The following JKAMP variants were observed in gnomAD, a reference collection of about 807,000 sequenced individuals.
The protein encoded by JKAMP is JNK1/MAPK8 associated membrane protein.
A neutral mutation model predicts 40.2 loss-of-function variants in JKAMP; 20 were observed. The ratio of observed to expected loss-of-function variants is 0.50; its 90% CI spans 0.35 to 0.72. The LOEUF (loss-of-function observed/expected upper bound fraction) is 0.72. Ranked by LOEUF, JKAMP falls within the 30% of genes least tolerant of loss-of-function variation. JKAMP has a pLI of 0.01. For synonymous variants in JKAMP, 138 were observed against 131.6 expected (o/e 1.05, Z -0.33); for missense variants, 276 against 373.0 (o/e 0.74, Z 2.14).
rs1476880109 is a variant in JKAMP at position 59,486,898 on chromosome 14, A to C, written c.96+94A>C. On this transcript the variant is annotated intron_variant, in intron 2 of 6. Coordinates refer to ENST00000616435, the MANE Select transcript of JKAMP (RefSeq NM_016475.5). ...AACATTTTTTGTTATTATACTCATT[A>C]ATTTATAAAAGAATATGGAGGACCA... is the stretch of plus-strand genomic sequence containing the variant. The C allele has an allele frequency of 1.2e-5, 11 of 900,192 alleles. No individual in the cohort carries two copies. The African/African-American group carries it at 1.7e-4, about 14-fold the overall frequency. The allele number at this position is 900,192 out of a possible 1,614,324, so 55.8% of individuals were successfully genotyped here.
In JKAMP at chr14:59,487,730, A is replaced by G. The variant is rs760804683; in HGVS notation, c.153A>G (p.Glu51=). The change falls in exon 3 of 7, where the codon GAA becomes GAG. Residue 51 remains glutamate, a synonymous_variant. Transcript: ENST00000616435. Reference sequence around the variant, plus strand: ...AGAAATATTGTCAGCCTTGCACAGAATCTCCTGAACTTTATGATTGGCTCT... The same window carrying G: ...AGAAATATTGTCAGCCTTGCACAGAGTCTCCTGAACTTTATGATTGGCTCT... The part of the protein sequence containing the change: ...NAQKYCQPCT[E]SPELYDWLYL... The G allele has an allele frequency of 1.4e-5, 23 of 1,613,330 alleles. No homozygotes were observed. Among genetic ancestry groups the G allele is most frequent in the Non-Finnish European group, 1.9e-5 (22 of 1,179,414 alleles).
At chr14:59,485,080 G>A (rs1324837005) in intron 1 of JKAMP, 1 of 1,598,394 alleles carries the variant, frequency 6.3e-7, no homozygotes, top group East Asian at 2.2e-5. Context: ...AATGAAAGGA[G>A]AAATTCAACA....
At chr14:59,490,297 C>G (rs1338934334) in intron 3 of JKAMP, among the ~76,000 whole-genome samples, 3 of 152,210 alleles carry the variant, frequency 2.0e-5, no homozygotes, top group Non-Finnish European at 4.4e-5. Flanking sequence ...GAGCACAGCT[C>G]CAAGTCATTC....
intron 5 of JKAMP, 49 bp downstream of exon 5, chr14:59,498,957 G>T: frequency 1.3e-6 from 1 of 796,334 alleles, no homozygotes. Context: ...ATTGTATGTA[G>T]TAATATTTCC....
intron 2 of JKAMP, 38 bp downstream of exon 2, chr14:59,486,842 A>G (rs1890618291): frequency 7.7e-7 from 1 of 1,293,434 alleles, no homozygotes; most frequent in African/African-American, 1.5e-5. Flanking sequence ...ATTTTGTAAA[A>G]TCTATTTGCT....
chr14:59,495,326 G>A (rs1048547952), intron 4 of JKAMP, 102 bp downstream of exon 4: 2 of 819,176 alleles, frequency 2.4e-6, no homozygotes, highest in Admixed American at 2.5e-5. Context: ...GTGGGTTTGA[G>A]TTCTGGGTCT....
chr14:59,487,832 A>G lies in JKAMP; in HGVS notation c.251+4A>G. On this transcript the variant is annotated splice_donor_region_variant and intron_variant, in intron 3 of 6. Coordinates refer to ENST00000616435, the MANE Select transcript of JKAMP (RefSeq NM_016475.5). ...AATGGTACTCGGGGAAAAAGAGGTT[A>G]GCACATTTCTATGAACATATCTGGC... The G allele has an allele frequency of 6.2e-7, 1 of 1,612,812 alleles. No individual in the cohort carries two copies. The highest frequency in any genetic ancestry group is 8.5e-7 in the Non-Finnish European group (1 of 1,178,952).
In JKAMP at chr14:59,503,864, ATCT is replaced by A. The variant is rs1209875320; in HGVS notation, c.732_734del (p.Leu245del). The A allele has an allele frequency of 6.2e-7, 1 of 1,608,344 alleles. No individual in the cohort carries two copies. The highest frequency in any genetic ancestry group is 1.7e-5 in the Admixed American group (1 of 59,986). On this transcript the variant is annotated inframe_deletion, in exon 7 of 7. Coordinates refer to ENST00000616435, the MANE Select transcript of JKAMP (RefSeq NM_016475.5). ...TACAAAATTATATAGAACTGCTATG[ATCT>A]TCTGGTCAGAAAGAAAAGACTTATT...
chr14:59,484,786 A>G (rs1284822833), intron 1 of JKAMP, 193 bp downstream of exon 1: 2 of 888,550 alleles, frequency 2.3e-6, no homozygotes, highest in East Asian at 2.7e-5. Flanking sequence ...ACGGGCTACT[A>G]GGGGAGGCGC....
At chr14:59,500,680 C>T (rs1412089796) in intron 5 of JKAMP, among the ~76,000 whole-genome samples, 1 of 152,094 alleles carries the variant, frequency 6.6e-6, no homozygotes, top group African/African-American at 2.4e-5. Context: ...ATTATTTGAC[C>T]ATTTTTTTGA....
chr14:59,499,226 C>T (rs531700417), intron 5 of JKAMP, among the ~76,000 whole-genome samples: 3 of 151,568 alleles, frequency 2.0e-5, no homozygotes, highest in African/African-American at 7.3e-5. Flanking sequence ...CGGGGTTTCA[C>T]CATGTTGGCC....
rs1182294483 is a variant in JKAMP, at chr14:59,505,343, ATTT to A, written c.*1273_*1275del. 6.1e-6 allele frequency: 8 copies of A among 1,303,504 alleles called. No homozygotes were observed. In the African/African-American group the frequency reaches 1.2e-4, roughly 19 times the overall value. The allele number at this position is 1,303,504 out of a possible 1,614,324, so 80.7% of individuals were successfully genotyped here. A position where few individuals can be genotyped will look rare whatever the true frequency, so the allele number is the denominator to read the frequency against. On this transcript the variant is annotated 3_prime_UTR_variant, in exon 7 of 7. Coordinates refer to ENST00000616435, the MANE Select transcript of JKAMP (RefSeq NM_016475.5). ...GTAGGAATAAAAAATAAATATAAAA[ATTT>A]TATTTGTATTGCACACATTTGGGGG...
intron 5 of JKAMP, 60 bp downstream of exon 5, chr14:59,498,968 T>A: frequency 1.2e-6 from 1 of 860,550 alleles, no homozygotes; most frequent in Non-Finnish European, 1.6e-6. Context: ...TAATATTTCC[T>A]CTAGATTTAA....
chr14:59,498,901 C>A lies in JKAMP; in HGVS notation c.633C>A (p.Gly211=). ...CCGTGCTTCAGGCAGTTGGTGGAGGCCTTTTATGTAAGTTTGATGGGTAAA... is the reference window on the plus strand; with the variant it reads ...CCGTGCTTCAGGCAGTTGGTGGAGGACTTTTATGTAAGTTTGATGGGTAAA... ...ILTVLQAVGG[G]LLYYAFPYII... is the part of the protein sequence containing the mutation. Residue 211 remains glycine (G), a synonymous_variant, in exon 5 of 7, where the codon GGC becomes GGA. Coordinates refer to ENST00000616435, the MANE Select transcript of JKAMP (RefSeq NM_016475.5). 1 of 1,595,228 alleles carries A rather than the reference C, an allele frequency of 6.3e-7. No individual in the cohort carries two copies. The highest frequency in any genetic ancestry group is 8.6e-7 in the Non-Finnish European group (1 of 1,169,432).
Position 59,495,035 on chromosome 14 carries a change from A to G in JKAMP, c.269A>G (p.Gln90Arg), listed in dbSNP as rs1222079945. Residue 90 changes from glutamine (Q) to arginine (R), a missense_variant, in exon 4 of 7, where the codon CAA becomes CGA. Coordinates refer to ENST00000616435, the MANE Select transcript of JKAMP (RefSeq NM_016475.5). ...SGKKSSSALF[Q>R]HITALFECSM... is the part of the protein sequence containing the mutation. ...TTCTCTAGTTCCAGCGCACTTTTCC[A>G]ACACATCACTGCATTATTTGAATGC... is the stretch of plus-strand genomic sequence containing the variant. 6.2e-7 allele frequency: 1 copy of G among 1,613,748 alleles called. No individual in the cohort carries two copies. Among genetic ancestry groups the G allele is most frequent in the East Asian group, 2.2e-5 (1 of 44,876 alleles).
chr14:59,499,491 C>G (rs2139905617), intron 5 of JKAMP, among the ~76,000 whole-genome samples: 1 of 151,972 alleles, frequency 6.6e-6, no homozygotes, highest in East Asian at 1.9e-4. Flanking sequence ...TTAATGTAAC[C>G]ATTAATTCAT....
In JKAMP at chr14:59,503,711, T is replaced by G. The variant is rs143411095; in HGVS notation, c.718-143T>G. The G allele has an allele frequency of 6.5e-6, 4 of 614,326 alleles. No individual in the cohort carries two copies. In the Admixed American group the frequency reaches 1.3e-4, roughly 19 times the overall value. 38.1% of individuals were successfully genotyped at this position (614,326 alleles called of 1,614,324 possible). A position where few individuals can be genotyped will look rare whatever the true frequency, so the allele number is the denominator to read the frequency against. ...AAAGTGGAGTGGCTAGACTGAGTGA[T>G]TTCTTAAGTCTTTTTTAGCTCAAAC... On this transcript the variant is annotated intron_variant, in intron 6 of 6. Coordinates refer to ENST00000616435, the MANE Select transcript of JKAMP (RefSeq NM_016475.5).
chr14:59,505,280 G>T lies in JKAMP; in HGVS notation c.*1208G>T. The T allele has an allele frequency of 6.6e-7, 1 of 1,509,258 alleles. No homozygotes were observed. Among genetic ancestry groups the T allele is most frequent in the Non-Finnish European group, 8.9e-7 (1 of 1,128,224 alleles). 93.5% of individuals were successfully genotyped at this position (1,509,258 alleles called of 1,614,324 possible). A position where few individuals can be genotyped will look rare whatever the true frequency, so the allele number is the denominator to read the frequency against. ...TTTTTCTCAGTACATTTAACCACTGGGAAATGAACCCTTGTACGAATGTGT... is the reference window on the plus strand; with the variant it reads ...TTTTTCTCAGTACATTTAACCACTGTGAAATGAACCCTTGTACGAATGTGT... On this transcript the variant is annotated 3_prime_UTR_variant, in exon 7 of 7. Transcript: ENST00000616435.
In JKAMP at chr14:59,504,616, T is replaced by TA; in HGVS notation, c.*545dup. 6.5e-6 allele frequency: 1 copy of TA among 152,880 alleles called. No individual in the cohort carries two copies. The highest frequency in any genetic ancestry group is 2.1e-4 in the South Asian group (1 of 4,828). 9.5% of individuals were successfully genotyped at this position (152,880 alleles called of 1,614,324 possible). A position where few individuals can be genotyped will look rare whatever the true frequency, so the allele number is the denominator to read the frequency against. ...TATTGCAAAAATAGATAATAATTTA[T>TA]ATAACAGGTTTTCTGTTTATAGATT... On this transcript the variant is annotated 3_prime_UTR_variant, in exon 7 of 7. Transcript: ENST00000616435.
Sources: allele counts gnomAD v4.1 joint callset (sites outside exome capture counted in the v4.1 genomes callset), GRCh38; gene constraint gnomAD v4.1.1; transcripts MANE v1.5; gene names NCBI Gene and HGNC (gene_info 2026-07-23, HGNC 2026-07-21).